Variants in PCDHGB1 observed in about 807,000 individuals in gnomAD.
The protein encoded by PCDHGB1 is protocadherin gamma-B1.
In PCDHGB1, 34 loss-of-function variants were observed where a neutral mutation model predicts 56.6. The observed-to-expected ratio is 0.60, with a 90% confidence interval of 0.46 to 0.80. The LOEUF is 0.80. Among genes scored for constraint, PCDHGB1 ranks in the 30% least tolerant of loss-of-function variants. The pLI is 0.00. For missense variants in PCDHGB1, 1,278 were observed against 1,204.6 expected (o/e 1.06, Z -0.90); for synonymous variants, 561 against 505.9 (o/e 1.11, Z -1.46).
chr5:141,393,776 C>T (rs752900835), intron 1 of PCDHGB1: 10 of 1,613,596 alleles, frequency 6.2e-6, no homozygotes, highest in South Asian at 5.5e-5. Context: ...AAATACAAGC[C>T]GAAGATGTGG....
intron 1 of PCDHGB1, chr5:141,422,543 T>A: frequency 3.1e-6 from 5 of 1,614,000 alleles, no homozygotes; most frequent in Non-Finnish European, 4.2e-6. Flanking sequence ...GAAACTCATG[T>A]CTGGCTGAAT....
chr5:141,433,286 T>C (rs2097581877), intron 1 of PCDHGB1: 2 of 1,143,608 alleles, frequency 1.7e-6, no homozygotes, highest in African/African-American at 1.6e-5. Flanking sequence ...CTCAAACTCC[T>C]AGGCTCAAGC....
At chr5:141,414,312 C>T in intron 1 of PCDHGB1, 1 of 1,613,724 alleles carries the variant, frequency 6.2e-7, no homozygotes, top group South Asian at 1.1e-5. Context: ...ATGATTTAGA[C>T]TCTGAGCAGA....
intron 1 of PCDHGB1, chr5:141,427,747 C>A (rs2097063869): frequency 1.6e-6 from 2 of 1,277,502 alleles, no homozygotes; most frequent in Non-Finnish European, 2.2e-6. Flanking sequence ...GTCTCCTACT[C>A]CATCGTTACC....
chr5:141,355,330 G>GC, intron 1 of PCDHGB1: 1 of 1,614,036 alleles, frequency 6.2e-7, no homozygotes. Context: ...AGAAGGCTCA[G>GC]TGGTGGGCAA....
chr5:141,478,409 G>A, intron 1 of PCDHGB1: 1 of 1,613,016 alleles, frequency 6.2e-7, no homozygotes, highest in South Asian at 1.1e-5. Flanking sequence ...TCTCACCACG[G>A]ACTCCCGCCG....
At chr5:141,504,738 C>G (rs2099840693) in intron 2 of PCDHGB1, among the ~76,000 whole-genome samples, 1 of 151,874 alleles carries the variant, frequency 6.6e-6, no homozygotes, top group Non-Finnish European at 1.5e-5. Flanking sequence ...GCTTAGGAAG[C>G]CATTGAATTT....
At chr5:141,426,423 G>T in intron 1 of PCDHGB1, 1 of 290,954 alleles carries the variant, frequency 3.4e-6, no homozygotes, top group Non-Finnish European at 6.8e-6. Context: ...AGGGCTCCGT[G>T]GTGGGGAACC....
At chr5:141,404,917 G>C in intron 1 of PCDHGB1, 1 of 1,613,772 alleles carries the variant, frequency 6.2e-7, no homozygotes, top group Non-Finnish European at 8.5e-7. Flanking sequence ...CCCCTCTCTC[G>C]GCCACTGTCA....
rs369964221 is a variant in PCDHGB1 at position 141,366,213 on chromosome 5, C to G, written c.2409+13544C>G. On this transcript the variant is annotated intron_variant, in intron 1 of 3. Coordinates refer to ENST00000523390, the MANE Select transcript of PCDHGB1 (RefSeq NM_018922.3). ...GGGCTGCACACGGGCGAGGTGCGCA[C>G]AGCGCGAGCCCTGCTGGACAGAGAC... 2.5e-6 allele frequency: 4 copies of G among 1,613,692 alleles called. No individual in the cohort carries two copies. The African/African-American group carries it at 4.0e-5, about 16-fold the overall frequency.
intron 1 of PCDHGB1, chr5:141,361,529 A>C (rs1251773274): frequency 8.7e-6 from 14 of 1,613,912 alleles, no homozygotes; most frequent in Non-Finnish European, 1.2e-5. Flanking sequence ...GCAGAGAACA[A>C]TCCTCCTGGC....
chr5:141,389,449 A>T lies in PCDHGB1; in HGVS notation c.2409+36780A>T, dbSNP rs771507101. The stretch of plus-strand genomic sequence containing the variant: ...GCGCAGCGCGCCTTCGACCACGAGC[A>T]GCTGCGCGCCTTCGAACTCACACTG... On this transcript the variant is annotated intron_variant, in intron 1 of 3. Coordinates refer to ENST00000523390, the MANE Select transcript of PCDHGB1 (RefSeq NM_018922.3). 17 of 1,610,420 alleles carry T rather than the reference A, an allele frequency of 1.1e-5. No individual in the cohort carries two copies. In the African/African-American group the frequency reaches 2.3e-4, roughly 22 times the overall value.
In PCDHGB1 at chr5:141,448,136, A is replaced by G. The variant is rs2098567363; in HGVS notation, c.2410-46671A>G. Among the ~76,000 whole-genome samples, 5 of 152,036 alleles carry G rather than the reference A, an allele frequency of 3.3e-5. No individual in the cohort carries two copies. The South Asian group carries it at 1.0e-3, about 32-fold the overall frequency. On this transcript the variant is annotated intron_variant, in intron 1 of 3. Transcript: ENST00000523390. ...AAAATTAGCCTCCCCCACCCTCACT[A>G]TACCTCAGACTCACCCCTGAAAGAT...
At chr5:141,396,060 G>A (rs1309175410) in intron 1 of PCDHGB1, 1 of 152,318 alleles carries the variant, frequency 6.6e-6, no homozygotes, top group East Asian at 1.9e-4. Flanking sequence ...CCAATTAGCT[G>A]TTTCGGTTGT....
In PCDHGB1 at chr5:141,477,767, A is replaced by G. The variant is rs1178354274; in HGVS notation, c.2410-17040A>G. 6.2e-7 allele frequency: 1 copy of G among 1,613,906 alleles called. No homozygotes were observed. The highest frequency in any genetic ancestry group is 8.5e-7 in the Non-Finnish European group (1 of 1,180,038). On this transcript the variant is annotated intron_variant, in intron 1 of 3. Coordinates refer to ENST00000523390, the MANE Select transcript of PCDHGB1 (RefSeq NM_018922.3). The surrounding 1 kb of genome is among the most constrained non-coding windows in gnomAD (Gnocchi z 4.9). ...GGGCACCCCGGTCCTAGCCACCAAC[A>G]TCAGCGTGAACATATTTGTCACTGA...
intron 3 of PCDHGB1, 154 bp from the exon 4 acceptor site, chr5:141,510,793 G>A: frequency 1.1e-6 from 1 of 935,078 alleles, no homozygotes; most frequent in Non-Finnish European, 1.3e-6. Context: ...CTCTTGTGAA[G>A]AGAGACTACC....
At chr5:141,389,778 G>A (rs886099464) in intron 1 of PCDHGB1, 3 of 1,613,134 alleles carry the variant, frequency 1.9e-6, no homozygotes, top group Non-Finnish European at 2.5e-6. Flanking sequence ...TGCCTTAGGC[G>A]ACAGGGACGC....
At chr5:141,362,527 G>A (rs1272837280) in intron 1 of PCDHGB1, 2 of 1,613,974 alleles carry the variant, frequency 1.2e-6, no homozygotes, top group Non-Finnish European at 8.5e-7. Context: ...AGCCGCTGGG[G>A]TCCCTTTTGC....
At chr5:141,372,259 G>T (rs1229622208) in intron 1 of PCDHGB1, 2 of 1,613,108 alleles carry the variant, frequency 1.2e-6, no homozygotes, top group East Asian at 2.2e-5. Flanking sequence ...CTGGGCCTGC[G>T]CACGGGTGAG....
Sources: allele counts gnomAD v4.1 joint callset (sites outside exome capture counted in the v4.1 genomes callset), GRCh38; gene constraint gnomAD v4.1.1; non-coding constraint Gnocchi (gnomAD v3.1); transcripts MANE v1.5; gene names NCBI Gene and HGNC (gene_info 2026-07-23, HGNC 2026-07-21).